NCBP2: variants seen among roughly 807,000 people sequenced by gnomAD.
The protein encoded by NCBP2 is nuclear cap binding protein subunit 2, also known as nuclear cap-binding protein subunit 2.
A neutral mutation model predicts 21.5 loss-of-function variants in NCBP2; 8 were observed. That is an observed-to-expected ratio of 0.37 (90% CI 0.22 to 0.67). NCBP2 has a LOEUF of 0.67. Among genes scored for constraint, NCBP2 ranks in the 30% least tolerant of loss-of-function variants. The probability of loss-of-function intolerance (pLI) is 0.56; values close to 1 mark genes in which losing one functional copy is unlikely to be tolerated. For missense variants in NCBP2, 127 were observed against 206.9 expected, an observed-to-expected ratio of 0.61 and a Z score of 2.37; for synonymous variants, 92 against 75.8, an observed-to-expected ratio of 1.21 and a Z score of -1.11.
Position 196,942,525 on chromosome 3 carries a change from A to T in NCBP2, c.-22T>A. 3 of 1,605,756 alleles carry T rather than the reference A, an allele frequency of 1.9e-6. No homozygotes were observed. Among genetic ancestry groups the T allele is most frequent in the Non-Finnish European group, 2.6e-6 (3 of 1,175,686 alleles). The stretch of plus-strand genomic sequence containing the variant: ...ACATAGTGCAGAGAAGCGGACCACA[A>T]TGCGGCGACTCCCGGCACGAGGCTG... On this transcript the variant is annotated 5_prime_UTR_variant, in exon 1 of 4. The change creates a new upstream start codon in the 5' untranslated region. Transcript: ENST00000321256.
chr3:196,936,953 T>C lies in NCBP2; in HGVS notation c.*58A>G, dbSNP rs2290730. On this transcript the variant is annotated 3_prime_UTR_variant, in exon 4 of 4. Coordinates refer to ENST00000321256, the MANE Select transcript of NCBP2 (RefSeq NM_007362.5). ...GCTCGTGTGCAGACTTTAGGTGATG[T>C]TCTTCAGCAAATTCAACAGGCCAAA... The C allele has an allele frequency of 1.3e-3, 2,038 of 1,524,500 alleles. 31 individuals carry two copies. The East Asian group carries it at 0.033, about 25-fold the overall frequency. 94.4% of individuals were successfully genotyped at this position (1,524,500 alleles called of 1,614,324 possible). A position where few individuals can be genotyped will look rare whatever the true frequency, so the allele number is the denominator to read the frequency against.
chr3:196,937,440 T>C (rs1716315852), intron 3 of NCBP2, 70 bp downstream of exon 3: 3 of 1,588,660 alleles, frequency 1.9e-6, no homozygotes, highest in Non-Finnish European at 1.7e-6. Flanking sequence ...TAAATACAAA[T>C]TGCCAAAACA....
At chr3:196,939,025 A>G in intron 2 of NCBP2, 1 of 428,052 alleles carries the variant, frequency 2.3e-6, no homozygotes, top group Non-Finnish European at 4.1e-6. Context: ...TTTTTACGTG[A>G]AGGGCAAACA....
intron 1 of NCBP2, 176 bp downstream of exon 1, chr3:196,942,250 A>G: frequency 1.4e-6 from 2 of 1,473,308 alleles, no homozygotes; most frequent in Non-Finnish European, 1.8e-6. Context: ...AAGTGGCTTC[A>G]GTGATATCCA....
chr3:196,939,126 C>T (rs1487618028), intron 2 of NCBP2, 125 bp downstream of exon 2: 10 of 752,252 alleles, frequency 1.3e-5, no homozygotes, highest in Admixed American at 2.3e-5. Flanking sequence ...AGGGCAGAGA[C>T]ACACTGGGTG....
At chr3:196,941,921 T>G (rs1716600772) in intron 1 of NCBP2, 4 of 1,536,134 alleles carry the variant, frequency 2.6e-6, no homozygotes, top group Middle Eastern at 1.7e-4. Flanking sequence ...ACTCCACTTG[T>G]GTCTCCCACG....
In NCBP2 at chr3:196,936,786, G is replaced by A; in HGVS notation, c.*225C>T. The A allele has an allele frequency of 1.7e-6, 1 of 574,540 alleles. No individual in the cohort carries two copies. The highest frequency in any genetic ancestry group is 3.1e-6 in the Non-Finnish European group (1 of 321,548). 35.6% of individuals were successfully genotyped at this position (574,540 alleles called of 1,614,324 possible). A position where few individuals can be genotyped will look rare whatever the true frequency, so the allele number is the denominator to read the frequency against. On this transcript the variant is annotated 3_prime_UTR_variant, in exon 4 of 4. Coordinates refer to ENST00000321256, the MANE Select transcript of NCBP2 (RefSeq NM_007362.5). ...GTCAAAGAACACAATTTCTGACCTGGTAACAAAATTGTTCTGATAATCTGA... is the reference window on the plus strand; with the variant it reads ...GTCAAAGAACACAATTTCTGACCTGATAACAAAATTGTTCTGATAATCTGA...
intron 1 of NCBP2, chr3:196,941,614 C>A (rs1454277684): frequency 1.7e-5 from 8 of 467,924 alleles, no homozygotes; most frequent in Non-Finnish European, 3.1e-5. Context: ...TAGGGTTTAG[C>A]ACAAGGATTT....
chr3:196,942,107 T>A (rs1441796857), intron 1 of NCBP2: 1 of 1,484,262 alleles, frequency 6.7e-7, no homozygotes, highest in Non-Finnish European at 8.9e-7. Flanking sequence ...CGTAGTCGTC[T>A]GCGGAGGCAC....
rs527901940 is a variant in NCBP2 at position 196,935,559 on chromosome 3, A to T, written c.*1452T>A. On this transcript the variant is annotated 3_prime_UTR_variant, in exon 4 of 4. Transcript: ENST00000321256. ...AAGGAATTTTAAAAATGAACAGTGT[A>T]TCCTCATTAAATGTTTGCAAAGTTT... The T allele has an allele frequency of 6.6e-6, 1 of 152,374 alleles. No individual in the cohort carries two copies. The highest frequency in any genetic ancestry group is 1.9e-4 in the East Asian group (1 of 5,196). The allele number at this position is 152,374 out of a possible 1,614,324, so 9.4% of individuals were successfully genotyped here.
intron 3 of NCBP2, 195 bp from the exon 4 acceptor site, chr3:196,937,277 C>A (rs1716308697): frequency 2.6e-6 from 2 of 761,612 alleles, no homozygotes; most frequent in Non-Finnish European, 4.3e-6. Context: ...TGGAAGATAC[C>A]TAGCCCTAGC....
intron 2 of NCBP2, chr3:196,937,898 A>G (rs1716343110): frequency 4.1e-6 from 2 of 491,544 alleles, no homozygotes; most frequent in Non-Finnish European, 7.4e-6. Context: ...TGGTCCCATC[A>G]TCTCTGTATT....
At chr3:196,937,214 G>T in intron 3 of NCBP2, 132 bp from the exon 4 acceptor site, 1 of 945,084 alleles carries the variant, frequency 1.1e-6, no homozygotes, top group Non-Finnish European at 1.7e-6. Flanking sequence ...CAGGACATAT[G>T]CACTTCAGCT....
chr3:196,942,508 C>T lies in NCBP2; in HGVS notation c.-5G>A. ...CTTCAGGAGGCCACCCGACATAGTG[C>T]AGAGAAGCGGACCACAATGCGGCGA... is the stretch of plus-strand genomic sequence containing the variant. On this transcript the variant is annotated 5_prime_UTR_variant, in exon 1 of 4. Coordinates refer to ENST00000321256, the MANE Select transcript of NCBP2 (RefSeq NM_007362.5). The T allele has an allele frequency of 1.2e-6, 2 of 1,611,782 alleles. No homozygotes were observed. Among genetic ancestry groups the T allele is most frequent in the Non-Finnish European group, 1.7e-6 (2 of 1,179,134 alleles).
Position 196,939,382 on chromosome 3 carries a change from A to G in NCBP2, c.129T>C (p.Tyr43=), listed in dbSNP as rs767473328. The part of the protein sequence containing the change: ...EKLLKKSCTL[Y]VGNLSFYTTE... ...TTGTGTAAAAAGAAAGATTTCCAAC[A>G]TATAACGTACAGCTTTTCTTCAGTA... The change falls in exon 2 of 4, where the codon TAT becomes TAC. Residue 43 remains tyrosine (Y), a synonymous_variant. Transcript: ENST00000321256. 9.9e-6 allele frequency: 16 copies of G among 1,613,162 alleles called. No homozygotes were observed. The highest frequency in any genetic ancestry group is 2.7e-5 in the African/African-American group (2 of 74,888).
chr3:196,937,257 T>C (rs1716307277), intron 3 of NCBP2, 175 bp from the exon 4 acceptor site: 1 of 779,820 alleles, frequency 1.3e-6, no homozygotes, highest in Admixed American at 2.3e-5. Context: ...ATTTTAGATG[T>C]TCCTGCAGGT....
At position 196,941,320 on chromosome 3, in the gene NCBP2, A is replaced by G. The variant is rs1716549011; in HGVS notation, c.78+1106T>C. ...TTGGCCAGGCTAGTCTTGAACTCCT[A>G]ACCTCGTGATCCACCCGCCTCAGCC... On this transcript the variant is annotated intron_variant, in intron 1 of 3. Coordinates refer to ENST00000321256, the MANE Select transcript of NCBP2 (RefSeq NM_007362.5). 1.3e-5 allele frequency among the ~76,000 whole-genome samples: 2 copies of G among 152,010 alleles called. 1 individual carries two copies. The highest frequency in any genetic ancestry group is 4.1e-4 in the South Asian group (2 of 4,828).
chr3:196,942,260 A>C, intron 1 of NCBP2, 166 bp downstream of exon 1: 1 of 1,482,362 alleles, frequency 6.7e-7, no homozygotes, highest in Non-Finnish European at 8.9e-7. Flanking sequence ...AGTGATATCC[A>C]AGCGCCCTTC....
Position 196,942,526 on chromosome 3 carries a change from T to C in NCBP2, c.-23A>G, listed in dbSNP as rs773224306. On this transcript the variant is annotated 5_prime_UTR_variant, in exon 1 of 4. Transcript: ENST00000321256. ...CATAGTGCAGAGAAGCGGACCACAA[T>C]GCGGCGACTCCCGGCACGAGGCTGC... is the stretch of plus-strand genomic sequence containing the variant. 8 of 1,605,710 alleles carry C rather than the reference T, an allele frequency of 5.0e-6. No individual in the cohort carries two copies. The Admixed American group carries it at 1.2e-4, about 24-fold the overall frequency.
Sources: gnomAD v4.1 joint callset for allele counts (sites outside exome capture counted in the v4.1 genomes callset) on GRCh38, gnomAD v4.1.1 for gene constraint, MANE v1.5 for transcripts, NCBI Gene and HGNC (gene_info 2026-07-23, HGNC 2026-07-21) for gene names.